CPPED1: variants seen among roughly 807,000 people sequenced by gnomAD.
CPPED1 encodes the protein calcineurin like phosphoesterase domain containing 1, also known as serine/threonine-protein phosphatase CPPED1.
Under a neutral mutation model 28.0 loss-of-function variants are expected in CPPED1, and 28 were observed. That is an observed-to-expected ratio of 1.00 (90% CI 0.74 to 1.37). The LOEUF (loss-of-function observed/expected upper bound fraction) is 1.37, where lower values mean the gene tolerates loss of function less well. CPPED1 is among the 40% of genes most tolerant of loss of function. CPPED1 has a pLI of 0.00. For synonymous variants in CPPED1, 198 were observed against 180.2 expected (o/e 1.10, Z -0.79); for missense variants, 504 against 416.5 (o/e 1.21, Z -1.83).
At chr16:12,687,206 C>T (rs1048022098) in intron 3 of CPPED1, among the ~76,000 whole-genome samples, 34 of 152,086 alleles carry the variant, frequency 2.2e-4, no homozygotes, top group African/African-American at 8.0e-4. Context: ...ATTATTTTTT[C>T]ATGTTTTGAG....
intron 2 of CPPED1, among the ~76,000 whole-genome samples, chr16:12,735,580 A>C (rs1297023858): frequency 6.6e-6 from 1 of 152,252 alleles, no homozygotes; most frequent in Non-Finnish European, 1.5e-5. Context: ...CTGGGATTAC[A>C]GGCACGAGCC....
intron 3 of CPPED1, among the ~76,000 whole-genome samples, chr16:12,703,647 A>G (rs1015920392): frequency 1.4e-5 from 2 of 147,942 alleles, no homozygotes; most frequent in African/African-American, 5.0e-5. Context: ...TTGCCACTGC[A>G]CTCCAGCCTG....
Position 12,696,730 on chromosome 16 carries a change from GC to G in CPPED1, c.715+7893del, listed in dbSNP as rs374671865. ...AGTGCTGGGATTACAGGTGTGAGCCGCTGCGCCTGGCCTGACTTGTCTTTTT... is the reference window on the plus strand; with the variant it reads ...AGTGCTGGGATTACAGGTGTGAGCCGTGCGCCTGGCCTGACTTGTCTTTTT... On this transcript the variant is annotated intron_variant, in intron 3 of 3. Coordinates refer to ENST00000381774, the MANE Select transcript of CPPED1 (RefSeq NM_018340.3). 4.5e-4 allele frequency among the ~76,000 whole-genome samples: 68 copies of G among 152,010 alleles called. 2 individuals carry two copies. In the East Asian group the frequency reaches 0.013, roughly 29 times the overall value.
At chr16:12,792,037 C>T (rs540108604) in intron 1 of CPPED1, among the ~76,000 whole-genome samples, 6 of 152,068 alleles carry the variant, frequency 3.9e-5, no homozygotes, top group Non-Finnish European at 7.4e-5. Flanking sequence ...AAGCAACCTC[C>T]GTCCCCCAGG....
At chr16:12,736,863 G>A (rs1454586371) in intron 2 of CPPED1, among the ~76,000 whole-genome samples, 2 of 152,118 alleles carry the variant, frequency 1.3e-5, no homozygotes, top group African/African-American at 4.8e-5. Context: ...AAGTGGGAAG[G>A]CAGTGGGGAG....
At chr16:12,699,775 A>G (rs1018800904) in intron 3 of CPPED1, among the ~76,000 whole-genome samples, 4 of 147,102 alleles carry the variant, frequency 2.7e-5, no homozygotes, top group Non-Finnish European at 4.6e-5. Context: ...CTGAGACAGT[A>G]GTAGGGAATA....
At chr16:12,792,251 C>A (rs1042307492) in intron 1 of CPPED1, among the ~76,000 whole-genome samples, 5 of 152,182 alleles carry the variant, frequency 3.3e-5, no homozygotes, top group African/African-American at 1.2e-4. Context: ...CTATGCCTGG[C>A]CTCTTCCAGC....
At chr16:12,780,465 T>C (rs1003020431) in intron 2 of CPPED1, among the ~76,000 whole-genome samples, 5 of 152,008 alleles carry the variant, frequency 3.3e-5, no homozygotes, top group African/African-American at 4.8e-5. Context: ...CATGAGCCAC[T>C]GCACCCGGCC....
At chr16:12,723,921 C>A (rs558659561) in intron 2 of CPPED1, among the ~76,000 whole-genome samples, 65 of 152,284 alleles carry the variant, frequency 4.3e-4, no homozygotes, top group Non-Finnish European at 7.4e-4. Flanking sequence ...ACTCAGAGAT[C>A]TGATCCCTGA....
In CPPED1 at chr16:12,784,030, C is replaced by T. The variant is rs114148567; in HGVS notation, c.71-2627G>A. Among the ~76,000 whole-genome samples the T allele has an allele frequency of 2.8e-3, 428 of 152,298 alleles. 2 individuals carry two copies. Among genetic ancestry groups the T allele is most frequent in the African/African-American group, 9.3e-3 (387 of 41,550 alleles). On this transcript the variant is annotated intron_variant, in intron 1 of 3. Transcript: ENST00000381774. ...ATTCACATCCCTGTGCAACACCCTC[C>T]CTTTGAGTGTGGGCTGCAACTTGCT...
In CPPED1 at chr16:12,660,557, G is replaced by C. The variant is rs893475081; in HGVS notation, c.*4329C>G. The C allele has an allele frequency of 6.6e-6, 1 of 151,068 alleles. No individual in the cohort carries two copies. The highest frequency in any genetic ancestry group is 2.4e-5 in the African/African-American group (1 of 41,032). 9.4% of individuals were successfully genotyped at this position (151,068 alleles called of 1,614,324 possible). ...TGTACTCATTAAAAAATACATAAGA[G>C]CTCCTCCATGGCTTGAGAATATTTT... is the stretch of plus-strand genomic sequence containing the variant. On this transcript the variant is annotated 3_prime_UTR_variant, in exon 4 of 4. Transcript: ENST00000381774.
intron 2 of CPPED1, among the ~76,000 whole-genome samples, chr16:12,762,059 AT>A (rs1410589726): frequency 1.3e-5 from 2 of 151,002 alleles, no homozygotes; most frequent in African/African-American, 4.9e-5. Context: ...GGAAAGGTAA[AT>A]TTTTTTTTTA....
At position 12,682,614 on chromosome 16, in the gene CPPED1, A is replaced by G. The variant is rs146514889; in HGVS notation, c.716-17499T>C. On this transcript the variant is annotated intron_variant, in intron 3 of 3. Coordinates refer to ENST00000381774, the MANE Select transcript of CPPED1 (RefSeq NM_018340.3). The surrounding 1 kb of genome is among the most constrained non-coding windows in gnomAD (Gnocchi z 6.1). ...CATTTGGAAGGCAAGACTAGTATCA[A>G]CCATCCCCAGGGCCACTGGGAAGAT... 7.1e-3 allele frequency among the ~76,000 whole-genome samples: 1,077 copies of G among 152,284 alleles called. 12 individuals are homozygous for G. The highest frequency in any genetic ancestry group is 0.024 in the African/African-American group (1,012 of 41,554).
intron 2 of CPPED1, among the ~76,000 whole-genome samples, chr16:12,705,895 T>C (rs2080047603): frequency 6.6e-6 from 1 of 152,224 alleles, no homozygotes; most frequent in African/African-American, 2.4e-5. Flanking sequence ...ATTTTCTGTG[T>C]CATTATCCTT....
intron 1 of CPPED1, among the ~76,000 whole-genome samples, chr16:12,789,176 G>GT (rs1209079090): frequency 6.6e-6 from 1 of 152,192 alleles, no homozygotes; most frequent in Non-Finnish European, 1.5e-5. Flanking sequence ...GGTCTGTACA[G>GT]TGGTTGTGCC....
intron 3 of CPPED1, among the ~76,000 whole-genome samples, chr16:12,696,390 C>T (rs2079990561): frequency 1.3e-5 from 2 of 151,834 alleles, no homozygotes. Context: ...AACAAACACG[C>T]CCTTAGTGAG....
At chr16:12,775,068 C>T (rs149741268) in intron 2 of CPPED1, among the ~76,000 whole-genome samples, 4,450 of 152,252 alleles carry the variant, frequency 0.029, 82 homozygotes, top group South Asian at 0.073. Context: ...AATCCACTTG[C>T]CTTGGCCTCC....
intron 2 of CPPED1, among the ~76,000 whole-genome samples, chr16:12,744,622 G>C (rs1225837910): frequency 1.3e-5 from 2 of 152,152 alleles, no homozygotes; most frequent in Admixed American, 1.3e-4. Flanking sequence ...ACACAGGAAG[G>C]GTCTGACAGT....
At chr16:12,669,478 A>G (rs1169635267) in intron 3 of CPPED1, among the ~76,000 whole-genome samples, 2 of 152,234 alleles carry the variant, frequency 1.3e-5, no homozygotes, top group Non-Finnish European at 2.9e-5. Flanking sequence ...ATTTTATGGT[A>G]TGTGAATTAT....
Sources: gnomAD v4.1 joint callset for allele counts (sites outside exome capture counted in the v4.1 genomes callset) on GRCh38, gnomAD v4.1.1 for gene constraint, Gnocchi (gnomAD v3.1) non-coding constraint, MANE v1.5 for transcripts, NCBI Gene and HGNC (gene_info 2026-07-23, HGNC 2026-07-21) for gene names.